The following PRDM16 variants were observed in gnomAD, a reference collection of about 807,000 sequenced individuals.
The protein encoded by PRDM16 is histone-lysine N-methyltransferase PRDM16.
In PRDM16, 23 loss-of-function variants were observed where a neutral mutation model predicts 110.6. That is an observed-to-expected ratio of 0.21 (90% confidence interval 0.15 to 0.29). PRDM16 has a LOEUF of 0.29. Ranked by LOEUF, PRDM16 falls within the 10% of genes least tolerant of loss-of-function variation. PRDM16 has a pLI of 1.00. For missense variants in PRDM16, 1,615 were observed against 1,794.3 expected (o/e 0.90, Z 1.81); for synonymous variants, 799 against 781.8 (o/e 1.02, Z -0.37).
chr1:3,217,001 C>G (rs1315295953), intron 2 of PRDM16, among the ~76,000 whole-genome samples: 1 of 152,270 alleles, frequency 6.6e-6, no homozygotes, highest in African/African-American at 2.4e-5. Flanking sequence ...TAGCCTAGCA[C>G]TGTTCCATGT....
chr1:3,155,577 C>T (rs1443654119), intron 1 of PRDM16, among the ~76,000 whole-genome samples: 2 of 152,238 alleles, frequency 1.3e-5, no homozygotes, highest in African/African-American at 2.4e-5. Flanking sequence ...GCAGCGTTGC[C>T]GCGTCTCACC....
At position 3,425,543 on chromosome 1, in the gene PRDM16, CCGGG is replaced by C. The variant is rs1427493725; in HGVS notation, c.2940-37_2940-34del. ...CTGTGGCCCGGCCTGCCATGCAGAGCCGGGGCCTGCACTGAGGAGCGCGTGTGCC... is the reference window on the plus strand; with the variant it reads ...CTGTGGCCCGGCCTGCCATGCAGAGCGCCTGCACTGAGGAGCGCGTGTGCC... On this transcript the variant is annotated intron_variant, in intron 12 of 16. Transcript: ENST00000270722. This position sits in a 1 kb window ranked among gnomAD's most constrained non-coding sequence, Gnocchi z 6.9. The C allele has an allele frequency of 2.5e-6, 4 of 1,600,438 alleles. No individual in the cohort carries two copies. The Admixed American group carries it at 6.8e-5, about 27-fold the overall frequency.
At chr1:3,074,362 C>T (rs1557427325) in intron 1 of PRDM16, among the ~76,000 whole-genome samples, 1 of 152,144 alleles carries the variant, frequency 6.6e-6, no homozygotes, top group Non-Finnish European at 1.5e-5. Context: ...GTAGCATTCC[C>T]CTCCCCCACA....
chr1:3,427,583 G>A (rs183849796), intron 14 of PRDM16, among the ~76,000 whole-genome samples: 5 of 152,276 alleles, frequency 3.3e-5, no homozygotes, highest in African/African-American at 1.2e-4. Context: ...GGAGAGTGGG[G>A]GTACCTGGGA....
chr1:3,319,834 C>A (rs1641699903), intron 3 of PRDM16, among the ~76,000 whole-genome samples: 1 of 152,204 alleles, frequency 6.6e-6, no homozygotes, highest in African/African-American at 2.4e-5. Flanking sequence ...TAGCCGGCTT[C>A]CCCAAAGAGT....
chr1:3,295,674 C>T (rs957633267), intron 3 of PRDM16, among the ~76,000 whole-genome samples: 10 of 152,206 alleles, frequency 6.6e-5, no homozygotes, highest in South Asian at 6.2e-4. Context: ...ACACCACGCT[C>T]GCCCACAGTG....
At chr1:3,315,265 A>G (rs1046133585) in intron 3 of PRDM16, among the ~76,000 whole-genome samples, 2 of 140,648 alleles carry the variant, frequency 1.4e-5, no homozygotes, top group African/African-American at 5.2e-5. Flanking sequence ...ACAGCAGCCC[A>G]AATAAATCAA....
chr1:3,388,202 T>A (rs1643234449), intron 4 of PRDM16, among the ~76,000 whole-genome samples: 1 of 152,206 alleles, frequency 6.6e-6, no homozygotes, highest in Non-Finnish European at 1.5e-5. Context: ...CCACCAGGAT[T>A]TCCTGGTACT....
intron 3 of PRDM16, among the ~76,000 whole-genome samples, chr1:3,356,369 T>A (rs533421521): frequency 4.1e-4 from 62 of 152,314 alleles, no homozygotes; most frequent in African/African-American, 1.5e-3. Context: ...GACGTGCGGC[T>A]GCCGTCTCAT....
chr1:3,269,491 A>G (rs1473783555), intron 3 of PRDM16, among the ~76,000 whole-genome samples: 2 of 147,632 alleles, frequency 1.4e-5, no homozygotes, highest in Non-Finnish European at 3.0e-5. Context: ...GTCCCAGAGG[A>G]GGACAGTCCA....
intron 14 of PRDM16, among the ~76,000 whole-genome samples, chr1:3,428,248 G>A (rs537558357): frequency 2.0e-5 from 3 of 150,374 alleles, no homozygotes; most frequent in South Asian, 2.1e-4. Flanking sequence ...CCAGGACCCC[G>A]AGCTAGGGTG....
chr1:3,135,708 G>T (rs1353288043), intron 1 of PRDM16, among the ~76,000 whole-genome samples: 3 of 152,222 alleles, frequency 2.0e-5, no homozygotes, highest in Admixed American at 2.0e-4. Flanking sequence ...CACACTGCTG[G>T]GGCTTAGGCG....
intron 1 of PRDM16, among the ~76,000 whole-genome samples, chr1:3,087,500 G>T (rs979108159): frequency 1.3e-5 from 2 of 152,194 alleles, no homozygotes; most frequent in Non-Finnish European, 2.9e-5. Context: ...TCTGTGGCGG[G>T]CTACTCAGCC....
chr1:3,402,081 C>T (rs1341055556), intron 5 of PRDM16, among the ~76,000 whole-genome samples: 2 of 152,248 alleles, frequency 1.3e-5, no homozygotes, highest in African/African-American at 4.8e-5. Flanking sequence ...CTGCTCATGC[C>T]CAAGACGCCC....
At chr1:3,122,151 G>A (rs1643109645) in intron 1 of PRDM16, among the ~76,000 whole-genome samples, 1 of 152,216 alleles carries the variant, frequency 6.6e-6, no homozygotes, top group African/African-American at 2.4e-5. Flanking sequence ...GCCGGGCTGT[G>A]TGGCACAGGA....
At chr1:3,145,836 C>G (rs1643637722) in intron 1 of PRDM16, among the ~76,000 whole-genome samples, 1 of 152,178 alleles carries the variant, frequency 6.6e-6, no homozygotes, top group Non-Finnish European at 1.5e-5. Context: ...ATTTAATTAT[C>G]TAATTTTTCT....
At position 3,417,981 on chromosome 1, in the gene PRDM16, G is replaced by A. The variant is rs1348619414; in HGVS notation, c.2845G>A (p.Glu949Lys). 1.2e-6 allele frequency: 2 copies of A among 1,612,534 alleles called. No homozygotes were observed. The highest frequency in any genetic ancestry group is 1.7e-6 in the Non-Finnish European group (2 of 1,179,654). ...CGACCCCATCCTCAGGAAGGGCAAG[G>A]AGCGATACACGTGCAGGTGAGGGGC... The part of the protein sequence containing the change: ...LSDPILRKGK[E>K]RYTCRYCGKI... Residue 949 changes from glutamate (E) to lysine (K), a missense_variant, in exon 11 of 17, where the codon GAG (glutamate) becomes AAG (lysine). By Grantham distance (56) the Glu-to-Lys change is moderately conservative. Around this residue, in one of 5 missense-constraint regions of PRDM16, gnomAD observed 772 missense variants for 748.3 expected, o/e 1.03. Coordinates refer to ENST00000270722, the MANE Select transcript of PRDM16 (RefSeq NM_022114.4).
chr1:3,119,072 C>T (rs1480680094), intron 1 of PRDM16, among the ~76,000 whole-genome samples: 1 of 152,190 alleles, frequency 6.6e-6, no homozygotes, highest in Non-Finnish European at 1.5e-5. Context: ...ACGGTATGGC[C>T]ATCTCTGTAC....
intron 3 of PRDM16, among the ~76,000 whole-genome samples, chr1:3,295,421 G>A (rs1239052516): frequency 6.6e-6 from 1 of 152,182 alleles, no homozygotes; most frequent in Non-Finnish European, 1.5e-5. Flanking sequence ...GCTCACGGAG[G>A]TGCGACTTCC....
Sources: gnomAD v4.1 joint callset for allele counts (sites outside exome capture counted in the v4.1 genomes callset) on GRCh38, gnomAD v4.1.1 for gene constraint, gnomAD v4.1.1 regional missense constraint, Gnocchi (gnomAD v3.1) non-coding constraint, MANE v1.5 for transcripts, NCBI Gene and HGNC (gene_info 2026-07-23, HGNC 2026-07-21) for gene names.